The following MGAM variants were observed in gnomAD, a reference collection of about 807,000 sequenced individuals.
MGAM encodes maltase-glucoamylase, also known as alpha-1,4-glucosidase.
MGAM carries 253 observed loss-of-function variants against 358.8 expected under a neutral mutation model. The observed-to-expected ratio is 0.71, with a 90% CI of 0.64 to 0.78. The LOEUF (loss-of-function observed/expected upper bound fraction) is 0.78. Ranked by LOEUF, MGAM falls within the 30% of genes least tolerant of loss-of-function variation. The pLI is 0.00. For synonymous variants in MGAM, 1,105 were observed against 1,227.1 expected (o/e 0.90, Z 2.08); for missense variants, 3,080 against 3,432.6 (o/e 0.90, Z 2.57).
At position 142,080,921 on chromosome 7, in the gene MGAM, G is replaced by T; in HGVS notation, c.5978G>T (p.Arg1993Leu). Residue 1993 changes from arginine (R) to leucine (L), a missense_variant, in exon 50 of 71, where the codon CGC (arginine) becomes CTC (leucine). By Grantham distance (102) the Arg-to-Leu change is moderately radical. Coordinates refer to ENST00000475668, the MANE Select transcript of MGAM (RefSeq NM_001365693.1). The stretch of plus-strand genomic sequence containing the variant: ...AAGAATCCATTTGGGATTGAAATTC[G>T]CCGGAAGAGTACAGGCACTATAATG... ...IKKNPFGIEIRRKSTGTIIWD... is the reference protein window; with the variant it reads ...IKKNPFGIEILRKSTGTIIWD... 6.4e-7 allele frequency: 1 copy of T among 1,555,566 alleles called. No individual in the cohort carries two copies. The highest frequency in any genetic ancestry group is 1.3e-5 in the African/African-American group (1 of 74,580).
intron 21 of MGAM, among the ~76,000 whole-genome samples, chr7:142,046,108 T>G (rs1348986208): frequency 2.8e-5 from 4 of 142,608 alleles, no homozygotes; most frequent in Non-Finnish European, 6.1e-5. Context: ...ATATTTATTT[T>G]TATATTTATA....
At chr7:142,000,180 T>C (rs1554450200) in intron 1 of MGAM, among the ~76,000 whole-genome samples, 1 of 152,094 alleles carries the variant, frequency 6.6e-6, no homozygotes, top group African/African-American at 2.4e-5. Flanking sequence ...GTCAGAAATA[T>C]GGGGGTGAGT....
intron 24 of MGAM, 105 bp from the exon 25 acceptor site, chr7:142,052,189 A>G (rs1811042148): frequency 1.0e-6 from 1 of 961,236 alleles, no homozygotes; most frequent in East Asian, 2.6e-5. Flanking sequence ...GATGTTTGAA[A>G]GTCTGGTCTA....
intron 3 of MGAM, among the ~76,000 whole-genome samples, chr7:142,016,059 G>A (rs952954271): frequency 6.6e-6 from 1 of 151,980 alleles, no homozygotes. Context: ...TTAGGCTTTT[G>A]CATTTATGTT....
rs113689539 is a variant in MGAM at position 142,038,562 on chromosome 7, C to T, written c.2263C>T (p.His755Tyr). 10,877 of 1,611,282 alleles carry T rather than the reference C, an allele frequency of 6.8e-3. 620 individuals carry two copies. In the African/African-American group the frequency reaches 0.13, roughly 19 times the overall value. The change falls in exon 19 of 71, where the codon CAC (histidine) becomes TAC (tyrosine). Residue 755 changes from histidine to tyrosine, a missense_variant. This residue lies in a region of MGAM where 1,816 missense variants were observed against 1,840.5 expected (regional missense o/e 0.99). Coordinates refer to ENST00000475668, the MANE Select transcript of MGAM (RefSeq NM_001365693.1). Reference sequence around the variant, plus strand: ...CGAGGACAACAGCACTTGGGATGTGCACCAACAGTTCTTATGGGGGCCCGG... The same window carrying T: ...CGAGGACAACAGCACTTGGGATGTGTACCAACAGTTCTTATGGGGGCCCGG... ...FYEDNSTWDVHQQFLWGPGLL... is the reference protein window; with the variant it reads ...FYEDNSTWDVYQQFLWGPGLL...
chr7:142,022,895 ACAAT>A (rs1337785579), intron 7 of MGAM, among the ~76,000 whole-genome samples: 1 of 152,216 alleles, frequency 6.6e-6, no homozygotes, highest in Non-Finnish European at 1.5e-5. Flanking sequence ...CTCAGCTAAA[ACAAT>A]CATTTTTTGT....
chr7:142,091,715 C>T (rs545425450), intron 57 of MGAM, among the ~76,000 whole-genome samples, 198 bp from the exon 58 acceptor site: 18 of 146,040 alleles, frequency 1.2e-4, no homozygotes, highest in Middle Eastern at 3.6e-3. Context: ...TTCCAAATGC[C>T]GGGAAGGTGT....
chr7:142,085,727 A>G (rs1814683839), intron 54 of MGAM, 106 bp from the exon 55 acceptor site: 1 of 1,364,796 alleles, frequency 7.3e-7, no homozygotes, highest in Non-Finnish European at 9.9e-7. Context: ...TGAAAGCATC[A>G]ACAAGAAGCT....
At chr7:142,003,375 A>G (rs1010904705) in intron 1 of MGAM, among the ~76,000 whole-genome samples, 4 of 152,082 alleles carry the variant, frequency 2.6e-5, no homozygotes, top group African/African-American at 9.7e-5. Context: ...ATAGACATAT[A>G]AATCGGTAGA....
chr7:142,097,535 G>C lies in MGAM; in HGVS notation c.7693-58G>C, dbSNP rs1398132132. On this transcript the variant is annotated intron_variant, in intron 65 of 70. Transcript: ENST00000475668. ...ATTTAACCTCTTTCCTAAGTATTTT[G>C]GTTTCTCTGTCCTGGAAAATGGTGC... 5 of 1,502,622 alleles carry C rather than the reference G, an allele frequency of 3.3e-6. No homozygotes were observed. The Admixed American group carries it at 6.7e-5, about 20-fold the overall frequency. 93.1% of individuals were successfully genotyped at this position (1,502,622 alleles called of 1,614,324 possible).
intron 3 of MGAM, 70 bp from the exon 4 acceptor site, chr7:142,019,129 T>G: frequency 6.8e-7 from 1 of 1,481,252 alleles, no homozygotes; most frequent in Non-Finnish European, 9.1e-7. Context: ...TCAAATTAGA[T>G]GTTTCGTGCT....
At chr7:142,037,463 A>G (rs1808094307) in intron 18 of MGAM, among the ~76,000 whole-genome samples, 1 of 152,198 alleles carries the variant, frequency 6.6e-6, no homozygotes, top group South Asian at 2.1e-4. Context: ...TTTCTCAGGC[A>G]ATGAACATCT....
At chr7:142,092,664 C>A in intron 59 of MGAM, 56 bp downstream of exon 59, 1 of 1,426,752 alleles carries the variant, frequency 7.0e-7, no homozygotes. Flanking sequence ...AAGGATTACA[C>A]TGGAGGAGCC....
At chr7:142,053,121 AATCATT>A in intron 26 of MGAM, 137 bp downstream of exon 26, 1 of 1,026,652 alleles carries the variant, frequency 9.7e-7, no homozygotes, top group Non-Finnish European at 1.4e-6. Context: ...AGCATTGAGA[AATCATT>A]GAGGGAACAA....
In MGAM at chr7:142,005,625, T is replaced by C. The variant is rs1805093298; in HGVS notation, c.95T>C (p.Val32Ala). ...VLFIISIVLI[V>A]LLAKESLKST... ...TTTATCATCAGTATTGTTCTAATTGTGCTTTTAGCCAAAGAGTCACTGAAA... is the reference window on the plus strand; with the variant it reads ...TTTATCATCAGTATTGTTCTAATTGCGCTTTTAGCCAAAGAGTCACTGAAA... The change falls in exon 2 of 71, where the codon GTG becomes GCG. Residue 32 changes from valine to alanine, a missense_variant. Physicochemically the swap from Val to Ala is moderately conservative, Grantham distance 64 (BLOSUM62 0). Around this residue, in one of 5 missense-constraint regions of MGAM, gnomAD observed 1,816 missense variants for 1,840.5 expected, o/e 0.99. Coordinates refer to ENST00000475668, the MANE Select transcript of MGAM (RefSeq NM_001365693.1). 1 of 1,599,306 alleles carries C rather than the reference T, an allele frequency of 6.3e-7. No individual in the cohort carries two copies. Among genetic ancestry groups the C allele is most frequent in the Non-Finnish European group, 8.5e-7 (1 of 1,172,418 alleles).
At chr7:142,056,474 G>T (rs1312585521) in intron 29 of MGAM, among the ~76,000 whole-genome samples, 1 of 152,112 alleles carries the variant, frequency 6.6e-6, no homozygotes, top group African/African-American at 2.4e-5. Flanking sequence ...CGGGTACTCT[G>T]CTCACTGTCC....
chr7:142,000,484 G>T lies in MGAM; in HGVS notation c.-3+4554G>T, dbSNP rs1228604523. ...GCCATCCCTTCTCCACATCCTATCT[G>T]TTGAAAGTGAGTCACTAAGTCCAGC... On this transcript the variant is annotated intron_variant, in intron 1 of 70. Coordinates refer to ENST00000475668, the MANE Select transcript of MGAM (RefSeq NM_001365693.1). 3.3e-5 allele frequency among the ~76,000 whole-genome samples: 5 copies of T among 152,170 alleles called. No homozygotes were observed. The East Asian group carries it at 9.6e-4, about 29-fold the overall frequency.
chr7:142,043,289 TATA>T (rs1340297423), intron 21 of MGAM, among the ~76,000 whole-genome samples: 1 of 9,772 alleles, frequency 1.0e-4, no homozygotes, highest in African/African-American at 7.0e-4. Context: ...TATATATACA[TATA>T]ATATCTAAAT....
Position 142,064,535 on chromosome 7 carries a change from C to T in MGAM, c.4484+13C>T, listed in dbSNP as rs1251770105. On this transcript the variant is annotated intron_variant, in intron 37 of 70. Coordinates refer to ENST00000475668, the MANE Select transcript of MGAM (RefSeq NM_001365693.1). ...GACCCACATACGAGTGAGTCTCCGT[C>T]TCCCTTCTCCAGCTGTCACAACCTA... is the stretch of plus-strand genomic sequence containing the variant. The T allele has an allele frequency of 1.3e-6, 2 of 1,565,894 alleles. No individual in the cohort carries two copies. Among genetic ancestry groups the T allele is most frequent in the Non-Finnish European group, 8.7e-7 (1 of 1,155,280 alleles).
Sources: gnomAD v4.1 joint callset for allele counts (sites outside exome capture counted in the v4.1 genomes callset) on GRCh38, gnomAD v4.1.1 for gene constraint, gnomAD v4.1.1 regional missense constraint, MANE v1.5 for transcripts, NCBI Gene and HGNC (gene_info 2026-07-23, HGNC 2026-07-21) for gene names.